ACSF2: variants seen among roughly 807,000 people sequenced by gnomAD.
The protein encoded by ACSF2 is acyl-CoA synthetase family member 2, also known as medium-chain acyl-CoA ligase ACSF2, mitochondrial.
In ACSF2, 52 loss-of-function variants were observed where a neutral mutation model predicts 79.3. The observed-to-expected ratio is 0.66, with a 90% CI of 0.53 to 0.83. The LOEUF is 0.83. ACSF2 is among the 40% of genes least tolerant of loss of function. The pLI is 0.00. For synonymous variants in ACSF2, 283 were observed against 312.6 expected, an observed-to-expected ratio of 0.91 and a Z score of 1.00; for missense variants, 661 against 803.3, an observed-to-expected ratio of 0.82 and a Z score of 2.14.
At chr17:50,441,705 T>C (rs1018342737) in intron 1 of ACSF2, among the ~76,000 whole-genome samples, 2 of 152,206 alleles carry the variant, frequency 1.3e-5, no homozygotes, top group African/African-American at 4.8e-5. Flanking sequence ...GCAGAGTCTT[T>C]GAAGAGAGCT....
chr17:50,450,118 CAA>C (rs2031573875), intron 1 of ACSF2: 1 of 152,378 alleles, frequency 6.6e-6, no homozygotes, highest in Non-Finnish European at 1.5e-5. Flanking sequence ...TGTAGAAAGA[CAA>C]GAGGTGGAGA....
At chr17:50,426,772 C>G (rs1234642049) in intron 1 of ACSF2, 31 of 967,730 alleles carry the variant, frequency 3.2e-5, no homozygotes, top group Non-Finnish European at 4.0e-5. Flanking sequence ...CATGGGCAAA[C>G]TTGGGGATCA....
In ACSF2 at chr17:50,461,682, A is replaced by G. The variant is rs1453019114; in HGVS notation, c.503A>G (p.Lys168Arg). Residue 168 changes from lysine to arginine, a missense_variant, in exon 4 of 16, where the codon AAG (lysine) becomes AGG (arginine). Physicochemically the swap from Lys to Arg is conservative, Grantham distance 26 (BLOSUM62 2). Coordinates refer to ENST00000300441, the MANE Select transcript of ACSF2 (RefSeq NM_025149.6). ...YQAMELEYVL[K>R]KVGCKALVFP... ...GCTATGGAACTGGAGTATGTCCTCA[A>G]GAAGGTACAGCTCATTTGTCGGGGA... is the stretch of plus-strand genomic sequence containing the variant. 1.9e-6 allele frequency: 3 copies of G among 1,613,946 alleles called. No homozygotes were observed. In the Admixed American group the frequency reaches 5.0e-5, roughly 27 times the overall value.
chr17:50,457,910 A>T (rs1429467347), intron 1 of ACSF2, among the ~76,000 whole-genome samples: 1 of 152,170 alleles, frequency 6.6e-6, no homozygotes, highest in Non-Finnish European at 1.5e-5. Flanking sequence ...ACCCAGTCCC[A>T]CATCAGAATC....
In ACSF2 at chr17:50,463,259, G is replaced by A. The variant is rs144678857; in HGVS notation, c.888+8G>A. 83 of 1,613,986 alleles carry A rather than the reference G, an allele frequency of 5.1e-5. No homozygotes were observed. The East Asian group carries it at 1.1e-3, about 22-fold the overall frequency. On this transcript the variant is annotated splice_region_variant and intron_variant, in intron 7 of 15. Transcript: ENST00000300441. The surrounding 1 kb of genome is among the most constrained non-coding windows in gnomAD (Gnocchi z 4.6). ...CTGAAACTGCATGAGAAGGTGAGGC[G>A]GCACTAGGCCCAGGGCAAGGCTGCA... is the stretch of plus-strand genomic sequence containing the variant.
chr17:50,468,150 C>T (rs745415755), intron 10 of ACSF2: 2 of 1,614,186 alleles, frequency 1.2e-6, no homozygotes, highest in South Asian at 1.1e-5. Flanking sequence ...TTCAGCTCCT[C>T]CACCACCCGT....
intron 1 of ACSF2, among the ~76,000 whole-genome samples, chr17:50,460,005 T>C (rs905183361): frequency 4.6e-5 from 7 of 152,190 alleles, no homozygotes; most frequent in African/African-American, 1.4e-4. Flanking sequence ...TGACATCATC[T>C]GAGAGTGGGA....
chr17:50,469,075 C>T (rs1355495261), intron 10 of ACSF2: 10 of 1,234,808 alleles, frequency 8.1e-6, no homozygotes, highest in Non-Finnish European at 1.0e-5. Context: ...GGGACCGTGG[C>T]CCCCGAGCCC....
rs757750250 is a variant in ACSF2 at position 50,462,222 on chromosome 17, G to A, written c.546G>A (p.Lys182=). ...CCCTTGTGTTCCCCAAGCAATTCAAGACCCAGCAATACTACAACGTCCTGA... is the reference window on the plus strand; with the variant it reads ...CCCTTGTGTTCCCCAAGCAATTCAAAACCCAGCAATACTACAACGTCCTGA... ...CKALVFPKQF[K]TQQYYNVLKQ... The change falls in exon 5 of 16, where the codon AAG becomes AAA. Residue 182 remains lysine (K), a synonymous_variant. Coordinates refer to ENST00000300441, the MANE Select transcript of ACSF2 (RefSeq NM_025149.6). The A allele has an allele frequency of 2.2e-5, 36 of 1,613,916 alleles. No individual in the cohort carries two copies. Among genetic ancestry groups the A allele is most frequent in the Non-Finnish European group, 3.1e-5 (36 of 1,180,006 alleles).
intron 10 of ACSF2, chr17:50,465,972 A>ATAGG: frequency 7.5e-7 from 1 of 1,337,636 alleles, no homozygotes; most frequent in Middle Eastern, 2.0e-4. Flanking sequence ...AACCTGAGCC[A>ATAGG]TAGCACTTTG....
chr17:50,464,733 A>G (rs1242479932), intron 10 of ACSF2: 6 of 362,878 alleles, frequency 1.7e-5, no homozygotes, highest in Admixed American at 1.3e-4. Flanking sequence ...GAGGGTGGCC[A>G]TCCTGATGAC....
chr17:50,460,873 G>A lies in ACSF2; in HGVS notation c.324+1G>A, dbSNP rs1358316944. On this transcript the variant is annotated splice_donor_variant, in intron 2 of 15. Coordinates refer to ENST00000300441, the MANE Select transcript of ACSF2 (RefSeq NM_025149.6). LOFTEE classifies it high-confidence loss of function. ...GACCTTTGCCCAACTCAAGGAGGAGGTGGGTCCTGACCTGGAAACCTCAAA... is the reference window on the plus strand; with the variant it reads ...GACCTTTGCCCAACTCAAGGAGGAGATGGGTCCTGACCTGGAAACCTCAAA... 6.2e-7 allele frequency: 1 copy of A among 1,606,806 alleles called. No homozygotes were observed. Among genetic ancestry groups the A allele is most frequent in the Non-Finnish European group, 8.5e-7 (1 of 1,175,958 alleles).
chr17:50,456,636 G>T (rs2143672062), intron 1 of ACSF2, among the ~76,000 whole-genome samples: 1 of 152,200 alleles, frequency 6.6e-6, no homozygotes, highest in South Asian at 2.1e-4. Flanking sequence ...GGAGGCTGAG[G>T]CAGGAGAATC....
intron 1 of ACSF2, among the ~76,000 whole-genome samples, chr17:50,459,402 G>C (rs2032201234): frequency 1.3e-5 from 2 of 152,056 alleles, no homozygotes. Context: ...CACCATACCT[G>C]GTTAATTGTT....
intron 10 of ACSF2, among the ~76,000 whole-genome samples, chr17:50,469,517 C>T (rs1235927934): frequency 2.0e-5 from 3 of 152,228 alleles, no homozygotes; most frequent in Non-Finnish European, 4.4e-5. Context: ...CTTCCAACCC[C>T]GCTTGCGTTT....
chr17:50,458,751 T>G (rs2032164100), intron 1 of ACSF2, among the ~76,000 whole-genome samples: 1 of 152,238 alleles, frequency 6.6e-6, no homozygotes, highest in Non-Finnish European at 1.5e-5. Flanking sequence ...GGCTAAGTAC[T>G]CCGTAGGGCT....
At position 50,460,706 on chromosome 17, in the gene ACSF2, C is replaced by T. The variant is rs199772678; in HGVS notation, c.158C>T (p.Thr53Met). ...SSREVDRMVS[T>M]PIGGLSYVQG... is the part of the protein sequence containing the mutation. ...AGAGAGGTGGATCGCATGGTCTCCACGCCCATCGGAGGCCTCAGCTACGTT... is the reference window on the plus strand; with the variant it reads ...AGAGAGGTGGATCGCATGGTCTCCATGCCCATCGGAGGCCTCAGCTACGTT... The change falls in exon 2 of 16, where the codon ACG becomes ATG. Residue 53 changes from threonine to methionine, a missense_variant. Thr to Met is a moderately conservative substitution (Grantham distance 81). Coordinates refer to ENST00000300441, the MANE Select transcript of ACSF2 (RefSeq NM_025149.6). 77 of 1,612,976 alleles carry T rather than the reference C, an allele frequency of 4.8e-5. No homozygotes were observed. Among genetic ancestry groups the T allele is most frequent in the Middle Eastern group, 3.3e-4 (2 of 6,060 alleles).
At chr17:50,464,046 A>T in intron 9 of ACSF2, 137 bp downstream of exon 9, 1 of 431,570 alleles carries the variant, frequency 2.3e-6, no homozygotes, top group African/African-American at 2.9e-5. Flanking sequence ...GGTGGGAGGG[A>T]GGGAGATCCC....
chr17:50,469,038 C>A, intron 10 of ACSF2: 1 of 1,322,518 alleles, frequency 7.6e-7, no homozygotes, highest in Non-Finnish European at 9.6e-7. Context: ...GGCCGTTCCC[C>A]CAGCCGGCTA....
Sources: gnomAD v4.1 joint callset for allele counts (sites outside exome capture counted in the v4.1 genomes callset) on GRCh38, gnomAD v4.1.1 for gene constraint, Gnocchi (gnomAD v3.1) non-coding constraint, MANE v1.5 for transcripts, NCBI Gene and HGNC (gene_info 2026-07-23, HGNC 2026-07-21) for gene names.